The following CNIH3 variants were observed in gnomAD, a reference collection of about 807,000 sequenced individuals.
CNIH3 encodes protein cornichon homolog 3.
CNIH3 carries 14 observed loss-of-function variants against 24.1 expected under a neutral mutation model. That is an observed-to-expected ratio of 0.58 (90% CI 0.38 to 0.91). The LOEUF (loss-of-function observed/expected upper bound fraction) is 0.91. CNIH3 is among the 40% of genes least tolerant of loss of function. CNIH3 has a pLI of 0.00. For missense variants in CNIH3, 178 were observed against 196.8 expected (o/e 0.90, Z 0.57); for synonymous variants, 68 against 73.8 (o/e 0.92, Z 0.40).
intron 3 of CNIH3, among the ~76,000 whole-genome samples, chr1:224,563,502 C>A: frequency 7.5e-6 from 1 of 133,500 alleles, no homozygotes; most frequent in South Asian, 2.4e-4. Context: ...TGTGTGTATT[C>A]TAGCCTCAGG....
chr1:224,654,918 G>A (rs1685027593), intron 1 of CNIH3, among the ~76,000 whole-genome samples: 1 of 152,194 alleles, frequency 6.6e-6, no homozygotes, highest in South Asian at 2.1e-4. Context: ...TTTAGGAAAT[G>A]CAACTTGACC....
At chr1:224,723,237 T>C (rs1054230254) in intron 3 of CNIH3, among the ~76,000 whole-genome samples, 20 of 152,164 alleles carry the variant, frequency 1.3e-4, no homozygotes, top group African/African-American at 4.6e-4. Flanking sequence ...TGCTGATGTG[T>C]CAGGCACAGC....
At chr1:224,603,766 A>T (rs543710876) in intron 3 of CNIH3, among the ~76,000 whole-genome samples, 23 of 152,234 alleles carry the variant, frequency 1.5e-4, no homozygotes, top group African/African-American at 4.6e-4. Flanking sequence ...GGTGTAAAGG[A>T]TGTCTGAGGT....
chr1:224,579,630 T>A (rs545779061), intron 4 of CNIH3, among the ~76,000 whole-genome samples: 19 of 152,296 alleles, frequency 1.2e-4, no homozygotes, highest in South Asian at 1.2e-3. Context: ...TGGAGTCTAA[T>A]GGGAGATGTT....
intron 4 of CNIH3, among the ~76,000 whole-genome samples, chr1:224,731,206 T>C (rs1338420580): frequency 6.6e-6 from 1 of 152,166 alleles, no homozygotes; most frequent in Non-Finnish European, 1.5e-5. Flanking sequence ...TCTATGAATA[T>C]ACTAAAAACC....
intron 2 of CNIH3, among the ~76,000 whole-genome samples, chr1:224,531,638 A>G: frequency 6.6e-6 from 1 of 152,254 alleles, no homozygotes; most frequent in East Asian, 1.9e-4. Flanking sequence ...TCCTAAGAGT[A>G]ACGGGAAGCA....
intron 1 of CNIH3, among the ~76,000 whole-genome samples, chr1:224,475,039 C>T (rs1676522383): frequency 1.6e-5 from 2 of 122,594 alleles, no homozygotes; most frequent in Admixed American, 8.7e-5. Flanking sequence ...AAGGAGACTC[C>T]ATCTCAAAAA....
intron 1 of CNIH3, chr1:224,436,014 G>A (rs956674043): frequency 3.9e-5 from 6 of 152,180 alleles, no homozygotes; most frequent in Middle Eastern, 3.4e-3. Context: ...TTTAAATTTG[G>A]AAATACAATA....
chr1:224,642,293 C>T (rs1237828561), intron 1 of CNIH3, among the ~76,000 whole-genome samples: 3 of 152,060 alleles, frequency 2.0e-5, no homozygotes, highest in African/African-American at 4.8e-5. Context: ...TACAGTGGTG[C>T]GATTATGGCT....
chr1:224,597,623 C>T (rs1682040014), intron 3 of CNIH3, among the ~76,000 whole-genome samples: 1 of 152,092 alleles, frequency 6.6e-6, no homozygotes, highest in Admixed American at 6.5e-5. Flanking sequence ...GTGGAGGGTC[C>T]TAGAGGGTGA....
At chr1:224,653,328 A>T (rs1684949146) in intron 1 of CNIH3, among the ~76,000 whole-genome samples, 1 of 151,606 alleles carries the variant, frequency 6.6e-6, no homozygotes, top group Non-Finnish European at 1.5e-5. Flanking sequence ...AGGCTGAGGT[A>T]GGAGAATCAC....
At chr1:224,545,645 G>A (rs1007848859) in intron 2 of CNIH3, among the ~76,000 whole-genome samples, 11 of 152,276 alleles carry the variant, frequency 7.2e-5, no homozygotes, top group South Asian at 4.1e-4. Flanking sequence ...AGTTCTTGGC[G>A]GAGGAAGAAG....
intron 1 of CNIH3, among the ~76,000 whole-genome samples, chr1:224,471,593 CTTT>C (rs771939815): frequency 7.0e-6 from 1 of 142,254 alleles, no homozygotes; most frequent in Non-Finnish European, 1.5e-5. Context: ...CTCATTCTCT[CTTT>C]TTTTTTTTTT....
intron 3 of CNIH3, among the ~76,000 whole-genome samples, chr1:224,688,546 A>C (rs963688094): frequency 2.0e-5 from 3 of 152,212 alleles, no homozygotes; most frequent in African/African-American, 7.2e-5. Flanking sequence ...GACTTCTGTC[A>C]TCTAAATCCT....
At chr1:224,680,630 T>A (rs1195291888) in intron 1 of CNIH3, among the ~76,000 whole-genome samples, 1 of 152,172 alleles carries the variant, frequency 6.6e-6, no homozygotes, top group Non-Finnish European at 1.5e-5. Flanking sequence ...GGGCTAAAAG[T>A]AGTGGTTTGA....
Position 224,457,275 on chromosome 1 carries a change from CTGTGTGTGTG to C in CNIH3, n.203+22447_203+22456del, listed in dbSNP as rs1168012940. 7.1e-3 allele frequency among the ~76,000 whole-genome samples: 304 copies of C among 42,732 alleles called. 1 individual carries two copies. The Middle Eastern group carries it at 0.082, about 12-fold the overall frequency. 28.0% of individuals were successfully genotyped at this position (42,732 alleles called of 152,430 possible). A position where few individuals can be genotyped will look rare whatever the true frequency, so the allele number is the denominator to read the frequency against. ...CGTAGCTGAGCCCTCCTCTCTCTCT[CTGTGTGTGTG>C]TGTGTGTGTGTGTGTGTGTGTGTGT... On this transcript the variant is annotated intron_variant and non_coding_transcript_variant, in intron 1 of 5. Transcript: ENST00000471578.
intron 1 of CNIH3, among the ~76,000 whole-genome samples, chr1:224,659,895 A>G (rs1012074347): frequency 6.6e-6 from 1 of 152,208 alleles, no homozygotes; most frequent in Non-Finnish European, 1.5e-5. Flanking sequence ...ACATTCTGAG[A>G]CATGAATATG....
intron 1 of CNIH3, among the ~76,000 whole-genome samples, chr1:224,498,893 T>A (rs1677543357): frequency 6.6e-6 from 1 of 152,250 alleles, no homozygotes; most frequent in Non-Finnish European, 1.5e-5. Context: ...TAGGAGAGAT[T>A]CGCATTTTTT....
In CNIH3 at chr1:224,684,916, G is replaced by C; in HGVS notation, c.198+73G>C. The C allele has an allele frequency of 1.4e-5, 19 of 1,383,808 alleles. No homozygotes were observed. The highest frequency in any genetic ancestry group is 1.9e-5 in the Non-Finnish European group (18 of 969,956). The allele number at this position is 1,383,808 out of a possible 1,614,324, so 85.7% of individuals were successfully genotyped here. A position where few individuals can be genotyped will look rare whatever the true frequency, so the allele number is the denominator to read the frequency against. ...GGTGGGCACACAGTGAAAGAGGCTAGTGAGGCTCTGCCTGCTCCAGTCCTG... is the reference window on the plus strand; with the variant it reads ...GGTGGGCACACAGTGAAAGAGGCTACTGAGGCTCTGCCTGCTCCAGTCCTG... On this transcript the variant is annotated intron_variant, in intron 3 of 5. Coordinates refer to ENST00000272133, the MANE Select transcript of CNIH3 (RefSeq NM_152495.2). This position sits in a 1 kb window ranked among gnomAD's most constrained non-coding sequence, Gnocchi z 4.2.
Sources: gnomAD v4.1 joint callset for allele counts (sites outside exome capture counted in the v4.1 genomes callset) on GRCh38, gnomAD v4.1.1 for gene constraint, Gnocchi (gnomAD v3.1) non-coding constraint, MANE v1.5 for transcripts, NCBI Gene and HGNC (gene_info 2026-07-23, HGNC 2026-07-21) for gene names.